BRI3BP: variants seen among roughly 807,000 people sequenced by gnomAD.
The protein encoded by BRI3BP is BRI3 binding protein, also known as BRI3-binding protein.
Under a neutral mutation model 15.8 loss-of-function variants are expected in BRI3BP, and 7 were observed. The ratio of observed to expected loss-of-function variants is 0.44; its 90% confidence interval spans 0.25 to 0.83. BRI3BP has a LOEUF of 0.83. Ranked by LOEUF, BRI3BP falls within the 40% of genes least tolerant of loss-of-function variation. The probability of loss-of-function intolerance (pLI) is 0.20; values close to 1 mark genes in which losing one functional copy is unlikely to be tolerated. For synonymous variants in BRI3BP, 192 were observed against 163.5 expected, an observed-to-expected ratio of 1.17 and a Z score of -1.33; for missense variants, 320 against 339.3, an observed-to-expected ratio of 0.94 and a Z score of 0.45.
At chr12:125,045,892 C>T in the BRI3BP span, among the ~76,000 whole-genome samples, 110 of 152,168 alleles carry the variant, frequency 7.2e-4, no homozygotes, top group African/African-American at 2.5e-3. Context: ...TGGCTGAACA[C>T]GGTGACTCAC....
chr12:124,993,910 C>T lies in BRI3BP; in HGVS notation c.120C>T (p.Gly40=). Residue 40 remains glycine, a synonymous_variant, in exon 1 of 3, where the codon GGC becomes GGT. Coordinates refer to ENST00000341446, the MANE Select transcript of BRI3BP (RefSeq NM_080626.6). The part of the protein sequence containing the change: ...PGAQGARGRG[G]AEKNSYRRTV... ...CGCAGGGGGCGCGGGGCCGCGGCGG[C>T]GCGGAGAAGAACAGCTACCGCCGCA... 7 of 1,291,962 alleles carry T rather than the reference C, an allele frequency of 5.4e-6. No homozygotes were observed. The highest frequency in any genetic ancestry group is 4.9e-6 in the Non-Finnish European group (5 of 1,011,632). The allele number at this position is 1,291,962 out of a possible 1,614,324, so 80.0% of individuals were successfully genotyped here.
chr12:125,017,844 G>A (rs946190760), intron 2 of BRI3BP, among the ~76,000 whole-genome samples: 41 of 152,314 alleles, frequency 2.7e-4, no homozygotes, highest in African/African-American at 9.4e-4. Context: ...TCGGCACAGG[G>A]CAGGGGTTGT....
chr12:125,029,785 A>T lies in BRI3BP; in HGVS notation c.*4355A>T, dbSNP rs1450613336. The T allele has an allele frequency of 6.6e-6, 1 of 152,274 alleles. No homozygotes were observed. The highest frequency in any genetic ancestry group is 1.9e-4 in the East Asian group (1 of 5,180). 9.4% of individuals were successfully genotyped at this position (152,274 alleles called of 1,614,324 possible). On this transcript the variant is annotated 3_prime_UTR_variant, in exon 3 of 3. Transcript: ENST00000341446. ...GGTGTTTCATACACTTACCCCAGAA[A>T]TGAGAGCCTGTCTCATGCAGGAGTC...
intron 1 of BRI3BP, among the ~76,000 whole-genome samples, chr12:125,009,283 CTTTTTTTT>C (rs1217778458): frequency 1.8e-4 from 12 of 66,568 alleles, no homozygotes; most frequent in Non-Finnish European, 3.3e-4. Context: ...ACCCAGCCAT[CTTTTTTTT>C]TTTTTTTTTT....
rs1037898942 is a variant in BRI3BP at position 125,029,960 on chromosome 12, C to T, written c.*4530C>T. 1 of 152,160 alleles carries T rather than the reference C, an allele frequency of 6.6e-6. No homozygotes were observed. The highest frequency in any genetic ancestry group is 1.5e-5 in the Non-Finnish European group (1 of 68,042). 9.4% of individuals were successfully genotyped at this position (152,160 alleles called of 1,614,324 possible). On this transcript the variant is annotated 3_prime_UTR_variant, in exon 3 of 3. Coordinates refer to ENST00000341446, the MANE Select transcript of BRI3BP (RefSeq NM_080626.6). ...ACTATAATATGACTTTGTGCATGCC[C>T]GGGAGGGCTGCCTTGTAGAGAGGAT... is the stretch of plus-strand genomic sequence containing the variant.
the BRI3BP span, among the ~76,000 whole-genome samples, chr12:125,037,707 G>A: frequency 6.1e-3 from 934 of 151,944 alleles, 13 homozygotes; most frequent in African/African-American, 0.022. Context: ...AACTACTTGG[G>A]AGGCTGAGGC....
intron 1 of BRI3BP, 72 bp from the exon 2 acceptor site, chr12:125,012,462 G>A (rs1268866700): frequency 1.6e-6 from 2 of 1,269,678 alleles, no homozygotes; most frequent in Non-Finnish European, 2.3e-6. Context: ...AAACTCCCAA[G>A]CTCCCCAGTT....
Position 125,025,214 on chromosome 12 carries a change from G to T in BRI3BP, c.540G>T (p.Glu180Asp). The change falls in exon 3 of 3, where the codon GAG (glutamate) becomes GAT (aspartate). Residue 180 changes from glutamate (E) to aspartate (D), a missense_variant. By Grantham distance (45) the Glu-to-Asp change is conservative (BLOSUM62 2). Transcript: ENST00000341446. Reference protein sequence around the residue: ...CVYILHKYEGEPENAVLPLCF... With the variant: ...CVYILHKYEGDPENAVLPLCF... The stretch of plus-strand genomic sequence containing the variant: ...ACATCCTGCACAAGTACGAGGGCGA[G>T]CCGGAGAACGCGGTGCTGCCGCTGT... 1 of 1,614,130 alleles carries T rather than the reference G, an allele frequency of 6.2e-7. No homozygotes were observed. The highest frequency in any genetic ancestry group is 8.5e-7 in the Non-Finnish European group (1 of 1,180,032).
chr12:125,016,273 T>A (rs1955242714), intron 2 of BRI3BP, among the ~76,000 whole-genome samples: 1 of 152,056 alleles, frequency 6.6e-6, no homozygotes, highest in Admixed American at 6.6e-5. Context: ...GCAAAATGCT[T>A]TACAGGAAGC....
chr12:125,007,035 C>T (rs550589026), intron 1 of BRI3BP, among the ~76,000 whole-genome samples: 1 of 152,132 alleles, frequency 6.6e-6, no homozygotes, highest in African/African-American at 2.4e-5. Context: ...CCTGTCTCTA[C>T]TAAAAATATA....
chr12:125,047,707 A>AT, the BRI3BP span, among the ~76,000 whole-genome samples: 3 of 151,048 alleles, frequency 2.0e-5, no homozygotes, highest in Non-Finnish European at 3.0e-5. Flanking sequence ...TTATTTATTT[A>AT]TTTTTTTGAG....
chr12:125,042,602 T>C, the BRI3BP span, among the ~76,000 whole-genome samples: 4 of 152,054 alleles, frequency 2.6e-5, no homozygotes, highest in Non-Finnish European at 2.9e-5. Context: ...TGGCACAATC[T>C]TGGCTCACTG....
chr12:125,034,953 C>A (rs12368801), downstream of BRI3BP, among the ~76,000 whole-genome samples: 37,435 of 152,020 alleles, frequency 0.25, 4,758 homozygotes, highest in Non-Finnish European at 0.28. Context: ...CCATGCCCAC[C>A]CCCCAGCTTC....
At chr12:125,001,216 G>A (rs975072673) in intron 1 of BRI3BP, among the ~76,000 whole-genome samples, 10 of 150,478 alleles carry the variant, frequency 6.6e-5, no homozygotes, top group Non-Finnish European at 1.3e-4. Context: ...CATCACGCCC[G>A]GCTAATTTTT....
chr12:124,993,711 C>A lies in BRI3BP; in HGVS notation c.-80C>A. 1 of 849,568 alleles carries A rather than the reference C, an allele frequency of 1.2e-6. No homozygotes were observed. Among genetic ancestry groups the A allele is most frequent in the Non-Finnish European group, 1.4e-6 (1 of 707,520 alleles). The allele number at this position is 849,568 out of a possible 1,614,324, so 52.6% of individuals were successfully genotyped here. A position where few individuals can be genotyped will look rare whatever the true frequency, so the allele number is the denominator to read the frequency against. Reference sequence around the variant, plus strand: ...GGCGCGCGGCCCCCGAGCGCGCCAACCTTGCCCTAGCCGGAGCCCGCTGCG... The same window carrying A: ...GGCGCGCGGCCCCCGAGCGCGCCAAACTTGCCCTAGCCGGAGCCCGCTGCG... On this transcript the variant is annotated 5_prime_UTR_variant, in exon 1 of 3. Coordinates refer to ENST00000341446, the MANE Select transcript of BRI3BP (RefSeq NM_080626.6).
intron 1 of BRI3BP, among the ~76,000 whole-genome samples, chr12:125,003,956 AACACACAC>A (rs202194939): frequency 1.8e-3 from 70 of 38,136 alleles, no homozygotes; most frequent in South Asian, 6.0e-3. Context: ...CCATCTCAAA[AACACACAC>A]ACACACACAC....
At position 125,030,282 on chromosome 12, in the gene BRI3BP, G is replaced by A. The variant is rs1355801872; in HGVS notation, c.*4852G>A. On this transcript the variant is annotated 3_prime_UTR_variant, in exon 3 of 3. Coordinates refer to ENST00000341446, the MANE Select transcript of BRI3BP (RefSeq NM_080626.6). ...AAGGAATTCCTGAGGCTCCTAAGGG[G>A]TCAGCTGCCCCACTCCTGACTTTTT... is the stretch of plus-strand genomic sequence containing the variant. 6.6e-6 allele frequency: 1 copy of A among 152,164 alleles called. No homozygotes were observed. Among genetic ancestry groups the A allele is most frequent in the Non-Finnish European group, 1.5e-5 (1 of 68,040 alleles). The allele number at this position is 152,164 out of a possible 1,614,324, so 9.4% of individuals were successfully genotyped here.
chr12:125,032,238 G>A (rs943856357), downstream of BRI3BP, among the ~76,000 whole-genome samples: 6 of 151,706 alleles, frequency 4.0e-5, no homozygotes, highest in South Asian at 2.1e-4. Context: ...CGAGGCGGGC[G>A]GATCACGAGG....
intron 1 of BRI3BP, among the ~76,000 whole-genome samples, chr12:124,997,214 C>CTCTTTTTTTTTTTTTT (rs1335395514): frequency 1.9e-5 from 1 of 51,550 alleles, no homozygotes; most frequent in African/African-American, 1.0e-4. Flanking sequence ...CTTTACTTCT[C>CTCTTTTTTTTTTTTTT]TTTTTTTTTT....
Sources: gnomAD v4.1 joint callset for allele counts (sites outside exome capture counted in the v4.1 genomes callset) on GRCh38, gnomAD v4.1.1 for gene constraint, MANE v1.5 for transcripts, NCBI Gene and HGNC (gene_info 2026-07-23, HGNC 2026-07-21) for gene names.